The following HS6ST3 variants were observed in gnomAD, a reference collection of about 807,000 sequenced individuals.
The protein encoded by HS6ST3 is heparan sulfate 6-O-sulfotransferase 3.
Under a neutral mutation model 36.7 loss-of-function variants are expected in HS6ST3, and 12 were observed. The ratio of observed to expected loss-of-function variants is 0.33; its 90% confidence interval spans 0.21 to 0.53. The LOEUF (loss-of-function observed/expected upper bound fraction) is 0.53. Among genes scored for constraint, HS6ST3 ranks in the 20% least tolerant of loss-of-function variants. The pLI is 0.95. For synonymous variants in HS6ST3, 240 were observed against 257.5 expected, an observed-to-expected ratio of 0.93 and a Z score of 0.65; for missense variants, 584 against 640.9, an observed-to-expected ratio of 0.91 and a Z score of 0.96.
At chr13:96,104,411 G>T (rs992388636) in intron 1 of HS6ST3, among the ~76,000 whole-genome samples, 2 of 152,154 alleles carry the variant, frequency 1.3e-5, no homozygotes, top group African/African-American at 4.8e-5. Flanking sequence ...TTGGAGGAAG[G>T]TCAATAAGCT....
rs559198788 is a variant in HS6ST3, at chr13:96,788,472, T to A, written c.708-44018T>A. Among the ~76,000 whole-genome samples the A allele has an allele frequency of 3.3e-5, 5 of 152,018 alleles. No homozygotes were observed. In the South Asian group the frequency reaches 1.0e-3, roughly 31 times the overall value. On this transcript the variant is annotated intron_variant, in intron 1 of 1. Coordinates refer to ENST00000376705, the MANE Select transcript of HS6ST3 (RefSeq NM_153456.4). The stretch of plus-strand genomic sequence containing the variant: ...CATGATCTATCAGGCCACTTATTAA[T>A]TCTTTGATTGCTTTCATCAGCCTGT...
At chr13:96,749,668 G>C (rs1283590048) in intron 1 of HS6ST3, among the ~76,000 whole-genome samples, 1 of 151,808 alleles carries the variant, frequency 6.6e-6, no homozygotes, top group Non-Finnish European at 1.5e-5. Context: ...AAAATTATGT[G>C]GGTTGGTAGT....
intron 1 of HS6ST3, among the ~76,000 whole-genome samples, chr13:96,374,185 C>T (rs893546797): frequency 5.3e-5 from 8 of 151,962 alleles, no homozygotes; most frequent in Admixed American, 1.3e-4. Context: ...TTAATCTTTA[C>T]AGTATTTTTG....
chr13:96,359,126 C>T (rs903149402), intron 1 of HS6ST3, among the ~76,000 whole-genome samples: 7 of 152,044 alleles, frequency 4.6e-5, no homozygotes, highest in African/African-American at 1.7e-4. Context: ...CTTTTGGGGG[C>T]AATTACAATG....
chr13:96,433,796 T>G (rs1164595), intron 1 of HS6ST3, among the ~76,000 whole-genome samples: 104,126 of 152,072 alleles, frequency 0.68, 37,398 homozygotes, highest in African/African-American at 0.91. Context: ...TTAGCCAGGC[T>G]TGGTGGCAGG....
At chr13:96,342,077 C>T (rs185257362) in intron 1 of HS6ST3, among the ~76,000 whole-genome samples, 17 of 151,612 alleles carry the variant, frequency 1.1e-4, no homozygotes, top group African/African-American at 3.9e-4. Flanking sequence ...TCTTTTCTCC[C>T]CCTCCACAAA....
chr13:96,425,998 C>G (rs2055584965), intron 1 of HS6ST3, among the ~76,000 whole-genome samples: 1 of 150,636 alleles, frequency 6.6e-6, no homozygotes, highest in South Asian at 2.1e-4. Context: ...CAAGTCAGTG[C>G]CCCCCGAGAA....
At chr13:96,378,636 C>T (rs2055326008) in intron 1 of HS6ST3, among the ~76,000 whole-genome samples, 1 of 152,122 alleles carries the variant, frequency 6.6e-6, no homozygotes, top group Non-Finnish European at 1.5e-5. Flanking sequence ...TCTATGACGG[C>T]CCCTTAACTG....
chr13:96,407,029 A>G lies in HS6ST3; in HGVS notation c.707+315460A>G, dbSNP rs530640053. 3.3e-5 allele frequency among the ~76,000 whole-genome samples: 5 copies of G among 152,338 alleles called. No individual in the cohort carries two copies. The East Asian group carries it at 9.6e-4, about 29-fold the overall frequency. On this transcript the variant is annotated intron_variant, in intron 1 of 1. Coordinates refer to ENST00000376705, the MANE Select transcript of HS6ST3 (RefSeq NM_153456.4). The stretch of plus-strand genomic sequence containing the variant: ...ATTCAGCTTCTAGATATTTGTATTA[A>G]CATCTTATAATGCAGTGATTTATAA...
intron 1 of HS6ST3, among the ~76,000 whole-genome samples, chr13:96,604,040 AG>A (rs1424550567): frequency 6.6e-6 from 1 of 152,204 alleles, no homozygotes; most frequent in Non-Finnish European, 1.5e-5. Flanking sequence ...AAAGTTTATG[AG>A]GTCACATGAA....
intron 1 of HS6ST3, among the ~76,000 whole-genome samples, chr13:96,483,663 G>A (rs1236567491): frequency 6.6e-6 from 1 of 152,040 alleles, no homozygotes; most frequent in Non-Finnish European, 1.5e-5. Flanking sequence ...TATATTACTG[G>A]GCATCTTTGT....
intron 1 of HS6ST3, among the ~76,000 whole-genome samples, chr13:96,424,601 C>T (rs2055577350): frequency 1.3e-5 from 2 of 152,154 alleles, no homozygotes; most frequent in African/African-American, 4.8e-5. Flanking sequence ...TCAATGTCTG[C>T]TAACAGCCCA....
intron 1 of HS6ST3, among the ~76,000 whole-genome samples, chr13:96,348,204 T>G (rs772048742): frequency 6.6e-6 from 1 of 152,174 alleles, no homozygotes; most frequent in Non-Finnish European, 1.5e-5. Flanking sequence ...GACTGGAAAA[T>G]TCAAGGATGT....
rs577220738 is a variant in HS6ST3, at chr13:96,535,853, C to T, written c.708-296637C>T. Among the ~76,000 whole-genome samples the T allele has an allele frequency of 7.2e-5, 11 of 152,274 alleles. No individual in the cohort carries two copies. In the South Asian group the frequency reaches 1.7e-3, roughly 23 times the overall value. On this transcript the variant is annotated intron_variant, in intron 1 of 1. Transcript: ENST00000376705. The stretch of plus-strand genomic sequence containing the variant: ...ACATTGCTGTTGAGAAGCAAAGTCC[C>T]TTTCCTAATGCCAGCAAGAGGGAAA...
At chr13:96,779,230 G>A (rs1189230125) in intron 1 of HS6ST3, among the ~76,000 whole-genome samples, 1 of 151,894 alleles carries the variant, frequency 6.6e-6, no homozygotes, top group East Asian at 1.9e-4. Flanking sequence ...ATGACGGGTT[G>A]ATGGGTGCAA....
chr13:96,407,723 A>T (rs770708392), intron 1 of HS6ST3, among the ~76,000 whole-genome samples: 3 of 152,166 alleles, frequency 2.0e-5, no homozygotes, highest in Non-Finnish European at 4.4e-5. Context: ...ACAATTATAG[A>T]TGGGGAAGTA....
intron 1 of HS6ST3, among the ~76,000 whole-genome samples, chr13:96,137,622 G>C (rs2054009066): frequency 6.6e-6 from 1 of 151,776 alleles, no homozygotes; most frequent in African/African-American, 2.4e-5. Flanking sequence ...TTAGGAGAGA[G>C]GGGGTTTCAC....
chr13:96,579,562 T>TAA (rs376837085), intron 1 of HS6ST3, among the ~76,000 whole-genome samples: 4,060 of 145,224 alleles, frequency 0.028, 170 homozygotes, highest in African/African-American at 0.095. Context: ...TCTGTTGTGT[T>TAA]AAAAAAAAAA....
At chr13:96,331,727 C>T (rs1211990095) in intron 1 of HS6ST3, among the ~76,000 whole-genome samples, 2 of 152,226 alleles carry the variant, frequency 1.3e-5, no homozygotes, top group South Asian at 2.1e-4. Flanking sequence ...AGCTTCCCGG[C>T]TGCTTTGTTT....
Sources: gnomAD v4.1 joint callset for allele counts (sites outside exome capture counted in the v4.1 genomes callset) on GRCh38, gnomAD v4.1.1 for gene constraint, MANE v1.5 for transcripts, NCBI Gene and HGNC (gene_info 2026-07-23, HGNC 2026-07-21) for gene names.